The following STK31 variants were observed in gnomAD, a reference collection of about 807,000 sequenced individuals.
The protein encoded by STK31 is serine/threonine kinase 31, also known as serine/threonine-protein kinase 31.
In STK31, 89 loss-of-function variants were observed where a neutral mutation model predicts 129.7. That is an observed-to-expected ratio of 0.69 (90% CI 0.58 to 0.82). The LOEUF is 0.82. STK31 is among the 40% of genes least tolerant of loss of function. STK31 has a pLI of 0.00. For synonymous variants in STK31, 448 were observed against 395.3 expected (o/e 1.13, Z -1.58); for missense variants, 1,187 against 1,176.4 (o/e 1.01, Z -0.13).
intron 22 of STK31, among the ~76,000 whole-genome samples, chr7:23,804,284 A>T (rs1025188131): frequency 1.3e-5 from 2 of 151,552 alleles, no homozygotes; most frequent in Non-Finnish European, 2.9e-5. Flanking sequence ...TTCCTGCTTT[A>T]TTTTTCTGTT....
chr7:23,745,995 C>T (rs1788327454), intron 8 of STK31, among the ~76,000 whole-genome samples: 1 of 152,238 alleles, frequency 6.6e-6, no homozygotes, highest in East Asian at 1.9e-4. Flanking sequence ...GCCAGTGGCT[C>T]CTACCTCTTC....
intron 22 of STK31, among the ~76,000 whole-genome samples, chr7:23,796,120 T>A (rs1791933592): frequency 6.6e-6 from 1 of 152,204 alleles, no homozygotes; most frequent in Admixed American, 6.5e-5. Context: ...CACCCAAATC[T>A]CACCTTGAAT....
intron 22 of STK31, among the ~76,000 whole-genome samples, chr7:23,796,355 G>GTTTTTTTTTT (rs34355493): frequency 6.7e-6 from 1 of 149,066 alleles, no homozygotes; most frequent in Non-Finnish European, 1.5e-5. Context: ...AACATATCAA[G>GTTTTTTTTTT]TTTTTTTTTT....
At chr7:23,739,906 G>A (rs571328519) in intron 8 of STK31, among the ~76,000 whole-genome samples, 14 of 152,246 alleles carry the variant, frequency 9.2e-5, no homozygotes, top group Non-Finnish European at 1.5e-4. Context: ...GTCAGATAGC[G>A]TGATGTCTCC....
chr7:23,812,116 C>G (rs916723021), intron 22 of STK31, among the ~76,000 whole-genome samples: 1 of 152,162 alleles, frequency 6.6e-6, no homozygotes, highest in African/African-American at 2.4e-5. Context: ...TTTAGCCACT[C>G]TTTAAGATTG....
chr7:23,748,372 G>A (rs549494428), intron 8 of STK31, among the ~76,000 whole-genome samples: 10 of 152,216 alleles, frequency 6.6e-5, no homozygotes, highest in African/African-American at 9.6e-5. Context: ...ATGTGGTGGC[G>A]TATTTTGGTG....
chr7:23,814,205 C>CCT lies in STK31; in HGVS notation c.2761-936_2761-935dup, dbSNP rs754753946. Among the ~76,000 whole-genome samples the CCT allele has an allele frequency of 4.5e-5, 5 of 111,222 alleles. No homozygotes were observed. The East Asian group carries it at 1.3e-3, about 29-fold the overall frequency. 73.0% of individuals were successfully genotyped at this position (111,222 alleles called of 152,430 possible). ...TAAGACAACCTGTTACTATGTTGTT[C>CCT]CTCTAGTCCTGGGGTCTTCAACTAG... On this transcript the variant is annotated intron_variant, in intron 22 of 23. Coordinates refer to ENST00000355870, the MANE Select transcript of STK31 (RefSeq NM_031414.5).
At chr7:23,757,318 C>G (rs1789151850) in intron 10 of STK31, among the ~76,000 whole-genome samples, 1 of 151,946 alleles carries the variant, frequency 6.6e-6, no homozygotes, top group Non-Finnish European at 1.5e-5. Flanking sequence ...AAAAGTGGGC[C>G]CAAGGGACCG....
intron 15 of STK31, among the ~76,000 whole-genome samples, chr7:23,780,691 G>T (rs1790869311): frequency 6.6e-6 from 1 of 152,166 alleles, no homozygotes; most frequent in South Asian, 2.1e-4. Context: ...TTAGAGTTCT[G>T]TCCTTTGTCC....
Position 23,712,095 on chromosome 7 carries a change from C to T in STK31, c.51-4C>T, listed in dbSNP as rs1435583432. 6.2e-7 allele frequency: 1 copy of T among 1,601,604 alleles called. No individual in the cohort carries two copies. Among genetic ancestry groups the T allele is most frequent in the African/African-American group, 1.3e-5 (1 of 74,496 alleles). ...TTGTAATCTAATTTAAGGTATTGTT[C>T]TAGTTTTTCAGGAATTGTTCAAATG... On this transcript the variant is annotated splice_region_variant and splice_polypyrimidine_tract_variant and intron_variant, in intron 1 of 23. Coordinates refer to ENST00000355870, the MANE Select transcript of STK31 (RefSeq NM_031414.5).
rs894863823 is a variant in STK31, at chr7:23,818,022, C to T, written c.2829+2810C>T. On this transcript the variant is annotated intron_variant, in intron 23 of 23. Transcript: ENST00000355870. Reference sequence around the variant, plus strand: ...TTCTGCTTGCTTTAGATTTAGTTTACAACATATATTACACAGTTATCACAC... The same window carrying T: ...TTCTGCTTGCTTTAGATTTAGTTTATAACATATATTACACAGTTATCACAC... Among the ~76,000 whole-genome samples, 3 of 151,746 alleles carry T rather than the reference C, an allele frequency of 2.0e-5. No homozygotes were observed. In the South Asian group the frequency reaches 6.2e-4, roughly 32 times the overall value.
At chr7:23,736,878 C>A (rs1453711533) in intron 7 of STK31, 26 bp from the exon 8 acceptor site, 1 of 1,571,954 alleles carries the variant, frequency 6.4e-7, no homozygotes, top group South Asian at 1.2e-5. Context: ...GTTTGTTTGT[C>A]AAAATAAATG....
At chr7:23,715,474 C>G in intron 3 of STK31, among the ~76,000 whole-genome samples, 1 of 151,290 alleles carries the variant, frequency 6.6e-6, no homozygotes, top group South Asian at 2.1e-4. Flanking sequence ...AAAAAATTAG[C>G]CAGGCATGGT....
intron 17 of STK31, among the ~76,000 whole-genome samples, chr7:23,784,921 T>C (rs911893314): frequency 6.6e-6 from 1 of 152,228 alleles, no homozygotes; most frequent in African/African-American, 2.4e-5. Flanking sequence ...ATTTTTGGAC[T>C]AATCTTTCCC....
Position 23,729,215 on chromosome 7 carries a change from T to C in STK31, c.449T>C (p.Ile150Thr). 1.9e-6 allele frequency: 3 copies of C among 1,607,708 alleles called. No homozygotes were observed. The highest frequency in any genetic ancestry group is 2.5e-6 in the Non-Finnish European group (3 of 1,178,534). Reference sequence around the variant, plus strand: ...AAGTATAAACTTTGGGGACTACACATTCCTTCTGATCAAGAAGTTACCCAG... The same window carrying C: ...AAGTATAAACTTTGGGGACTACACACTCCTTCTGATCAAGAAGTTACCCAG... ...AKKYKLWGLH[I>T]PSDQEVTQFD... Residue 150 changes from isoleucine to threonine, a missense_variant, in exon 6 of 24, where the codon ATT becomes ACT. Coordinates refer to ENST00000355870, the MANE Select transcript of STK31 (RefSeq NM_031414.5).
intron 15 of STK31, among the ~76,000 whole-genome samples, chr7:23,777,687 G>A (rs1790649108): frequency 6.6e-6 from 1 of 151,764 alleles, no homozygotes; most frequent in African/African-American, 2.4e-5. Flanking sequence ...CATCTGCTTG[G>A]TAAATCTTCC....
chr7:23,827,331 C>CTCCATTTCA (rs1165981515), intron 23 of STK31, among the ~76,000 whole-genome samples: 1 of 152,134 alleles, frequency 6.6e-6, no homozygotes, highest in African/African-American at 2.4e-5. Flanking sequence ...TCTCTTCACA[C>CTCCATTTCA]TTCATTTCAT....
At chr7:23,731,648 C>T (rs1401068103) in intron 6 of STK31, among the ~76,000 whole-genome samples, 1 of 152,148 alleles carries the variant, frequency 6.6e-6, no homozygotes, top group South Asian at 2.1e-4. Context: ...ATTTTTTTAA[C>T]TAACACTTTC....
intron 13 of STK31, among the ~76,000 whole-genome samples, 165 bp from the exon 14 acceptor site, chr7:23,770,840 C>G (rs1790139058): frequency 6.6e-6 from 1 of 152,132 alleles, no homozygotes; most frequent in African/African-American, 2.4e-5. Flanking sequence ...TCTTTGATAT[C>G]TATCTATCTT....
Sources: allele counts gnomAD v4.1 joint callset (sites outside exome capture counted in the v4.1 genomes callset), GRCh38; gene constraint gnomAD v4.1.1; transcripts MANE v1.5; gene names NCBI Gene and HGNC (gene_info 2026-07-23, HGNC 2026-07-21).